Variants in ZNF638 observed in about 807,000 individuals in gnomAD.
The protein encoded by ZNF638 is zinc finger protein 638, also known as CTCL tumor antigen se33-1.
ZNF638 carries 46 observed loss-of-function variants against 195.6 expected under a neutral mutation model. That is an observed-to-expected ratio of 0.24 (90% CI 0.19 to 0.30). The LOEUF (loss-of-function observed/expected upper bound fraction) is 0.30. Among genes scored for constraint, ZNF638 ranks in the 10% least tolerant of loss-of-function variants. ZNF638 has a pLI of 1.00. For missense variants in ZNF638, 2,440 were observed against 2,325.3 expected (o/e 1.05, Z -1.01); for synonymous variants, 845 against 772.0 (o/e 1.09, Z -1.57).
Position 71,349,008 on chromosome 2 carries a change from A to G in ZNF638, c.54A>G (p.Arg18=), listed in dbSNP as rs1178701367. ...PRGDFPLQRP[R]APNPSGMRPP... Reference sequence around the variant, plus strand: ...GAGACTTTCCACTTCAAAGGCCACGAGCACCTAACCCTTCTGGGATGAGGC... The same window carrying G: ...GAGACTTTCCACTTCAAAGGCCACGGGCACCTAACCCTTCTGGGATGAGGC... The change falls in exon 2 of 28, where the codon CGA becomes CGG. Residue 18 remains arginine (R), a synonymous_variant. Coordinates refer to ENST00000264447, the MANE Select transcript of ZNF638 (RefSeq NM_014497.5). The G allele has an allele frequency of 6.8e-6, 11 of 1,614,170 alleles. No homozygotes were observed. The highest frequency in any genetic ancestry group is 9.3e-6 in the Non-Finnish European group (11 of 1,180,020).
At position 71,401,958 on chromosome 2, in the gene ZNF638, A is replaced by G; in HGVS notation, c.2700A>G (p.Glu900=). 1.3e-6 allele frequency: 2 copies of G among 1,561,532 alleles called. No homozygotes were observed. The highest frequency in any genetic ancestry group is 1.2e-5 in the South Asian group (1 of 83,182). The change falls in exon 16 of 28, where the codon GAA becomes GAG. Residue 900 remains glutamate (E), a splice_region_variant and synonymous_variant. Coordinates refer to ENST00000264447, the MANE Select transcript of ZNF638 (RefSeq NM_014497.5). ...GGTTTTAAAAATTTGTTTTGAAGGA[A>G]ACAGAAGAAATGTGTGTGATGCTTG... The part of the protein sequence containing the change: ...EATENEPLNK[E]TEEMCVMLVS...
chr2:71,426,529 T>C lies in ZNF638; in HGVS notation c.4660T>C (p.Ser1554Pro). 6.2e-7 allele frequency: 1 copy of C among 1,613,248 alleles called. No homozygotes were observed. The highest frequency in any genetic ancestry group is 8.5e-7 in the Non-Finnish European group (1 of 1,179,820). ...VDEVIEEVNP[S>P]QAKQNPLKGK... ...TGAGGTTATAGAAGAAGTGAATCCT[T>C]CTCAGGCCAAGCAGAATCCACTAAA... is the stretch of plus-strand genomic sequence containing the variant. Residue 1554 changes from serine (S) to proline (P), a missense_variant, in exon 24 of 28, where the codon TCT becomes CCT. Coordinates refer to ENST00000264447, the MANE Select transcript of ZNF638 (RefSeq NM_014497.5).
intron 8 of ZNF638, among the ~76,000 whole-genome samples, chr2:71,370,666 A>G (rs1227304239): frequency 6.6e-6 from 1 of 152,078 alleles, no homozygotes; most frequent in East Asian, 1.9e-4. Flanking sequence ...AAATATTTTT[A>G]TATCTTAAAA....
intron 10 of ZNF638, among the ~76,000 whole-genome samples, chr2:71,385,725 T>C (rs997632190): frequency 6.6e-5 from 10 of 152,220 alleles, no homozygotes; most frequent in African/African-American, 2.2e-4. Flanking sequence ...TGCAAAGTGT[T>C]AACCATTGGA....
chr2:71,367,858 C>A (rs1181047748), intron 6 of ZNF638, among the ~76,000 whole-genome samples: 1 of 152,068 alleles, frequency 6.6e-6, no homozygotes, highest in Admixed American at 6.6e-5. Flanking sequence ...GCATGAGCCA[C>A]CATGCCTGGC....
intron 2 of ZNF638, among the ~76,000 whole-genome samples, chr2:71,352,432 C>T (rs2670728): frequency 9.9e-4 from 149 of 150,414 alleles, no homozygotes; most frequent in Non-Finnish European, 2.0e-3. Flanking sequence ...GAGCCGAGAT[C>T]GCGCCGCTGC....
intron 20 of ZNF638, among the ~76,000 whole-genome samples, chr2:71,410,992 C>CGCCTTTT (rs1553484599): frequency 4.1e-5 from 1 of 24,506 alleles, no homozygotes; most frequent in African/African-American, 1.5e-4. Flanking sequence ...CTCCCCCCCC[C>CGCCTTTT]TTTTTTTTTT....
At chr2:71,371,441 G>A (rs1269859988) in intron 8 of ZNF638, among the ~76,000 whole-genome samples, 3 of 152,088 alleles carry the variant, frequency 2.0e-5, no homozygotes, top group Admixed American at 6.5e-5. Flanking sequence ...CATAGTGATC[G>A]TACTAATTTA....
intron 10 of ZNF638, among the ~76,000 whole-genome samples, chr2:71,386,865 C>G (rs750029661): frequency 3.3e-5 from 5 of 150,620 alleles, no homozygotes; most frequent in Non-Finnish European, 7.4e-5. Context: ...TTCTTTTTTT[C>G]TTTTCTTCTT....
In ZNF638 at chr2:71,337,016, A is replaced by G. The variant is rs74678666; in HGVS notation, c.-203+5141A>G. ...TTATGGATTGCATAATAGGCTGACTAACAGTCAATAGTTAGGAAGTGAACA... is the reference window on the plus strand; with the variant it reads ...TTATGGATTGCATAATAGGCTGACTGACAGTCAATAGTTAGGAAGTGAACA... On this transcript the variant is annotated intron_variant, in intron 1 of 27. Coordinates refer to ENST00000264447, the MANE Select transcript of ZNF638 (RefSeq NM_014497.5). Among the ~76,000 whole-genome samples, 20 of 152,294 alleles carry G rather than the reference A, an allele frequency of 1.3e-4. No individual in the cohort carries two copies. In the East Asian group the frequency reaches 3.9e-3, roughly 29 times the overall value.
intron 25 of ZNF638, 189 bp from the exon 26 acceptor site, chr2:71,431,138 A>G: frequency 1.9e-6 from 1 of 535,138 alleles, no homozygotes; most frequent in Non-Finnish European, 3.4e-6. Flanking sequence ...TCCTAAATCC[A>G]TTTGAATGGA....
At chr2:71,410,029 T>C (rs1338610468) in intron 20 of ZNF638, among the ~76,000 whole-genome samples, 1 of 152,242 alleles carries the variant, frequency 6.6e-6, no homozygotes, top group East Asian at 1.9e-4. Flanking sequence ...TGTCTAGATG[T>C]AAAATTCTGT....
At chr2:71,421,890 T>C (rs528965059) in intron 21 of ZNF638, among the ~76,000 whole-genome samples, 47 of 152,298 alleles carry the variant, frequency 3.1e-4, no homozygotes, top group African/African-American at 1.1e-3. Flanking sequence ...AATATTGATA[T>C]AAAAATAACT....
chr2:71,421,715 C>T (rs1376977535), intron 21 of ZNF638, among the ~76,000 whole-genome samples: 1 of 152,170 alleles, frequency 6.6e-6, no homozygotes, highest in Non-Finnish European at 1.5e-5. Flanking sequence ...TTTTAATAAT[C>T]AGGTATTGAT....
At position 71,402,102 on chromosome 2, in the gene ZNF638, A is replaced by G. The variant is rs747286013; in HGVS notation, c.2829+15A>G. 6.3e-6 allele frequency: 10 copies of G among 1,598,186 alleles called. No homozygotes were observed. The South Asian group carries it at 1.1e-4, about 18-fold the overall frequency. On this transcript the variant is annotated intron_variant, in intron 16 of 27. Coordinates refer to ENST00000264447, the MANE Select transcript of ZNF638 (RefSeq NM_014497.5). ...CTCATAAAAAGGTAAGAGTTGATTA[A>G]TAGCTGTTCATATCCTCTGCAAGCA...
intron 10 of ZNF638, among the ~76,000 whole-genome samples, chr2:71,389,363 G>A (rs1331923107): frequency 6.6e-6 from 1 of 152,184 alleles, no homozygotes; most frequent in Non-Finnish European, 1.5e-5. Flanking sequence ...ATAAGAAAAA[G>A]CATCAGAGCA....
chr2:71,408,078 AT>A (rs777325393), intron 19 of ZNF638, 43 bp from the exon 20 acceptor site: 13 of 1,574,458 alleles, frequency 8.3e-6, no homozygotes, highest in South Asian at 1.2e-5. Context: ...TCTAATTCCA[AT>A]TTTTTTAAAG....
intron 26 of ZNF638, 147 bp downstream of exon 26, chr2:71,431,575 C>A (rs575544053): frequency 1.9e-5 from 12 of 630,834 alleles, no homozygotes; most frequent in Non-Finnish European, 3.0e-5. Flanking sequence ...CTGGCTAACA[C>A]GGTGAAACCC....
chr2:71,406,797 T>C (rs570256209), intron 19 of ZNF638, among the ~76,000 whole-genome samples: 47 of 152,008 alleles, frequency 3.1e-4, no homozygotes, highest in Admixed American at 1.4e-3. Flanking sequence ...CCCAGGAGTT[T>C]GAGACCAGCC....
Sources: gnomAD v4.1 joint callset for allele counts (sites outside exome capture counted in the v4.1 genomes callset) on GRCh38, gnomAD v4.1.1 for gene constraint, MANE v1.5 for transcripts, NCBI Gene and HGNC (gene_info 2026-07-23, HGNC 2026-07-21) for gene names.